EMB: variants seen among roughly 807,000 people sequenced by gnomAD.
EMB encodes embigin.
In EMB, 31 loss-of-function variants were observed where a neutral mutation model predicts 41.4. That is an observed-to-expected ratio of 0.75 (90% CI 0.56 to 1.01). The LOEUF is 1.01. Ranked by LOEUF, EMB falls within the 50% of genes least tolerant of loss-of-function variation. EMB has a pLI of 0.00. For synonymous variants in EMB, 137 were observed against 140.4 expected (o/e 0.98, Z 0.17); for missense variants, 379 against 388.3 (o/e 0.98, Z 0.20).
At chr5:50,423,196 T>C (rs537811907) in intron 2 of EMB, among the ~76,000 whole-genome samples, 10 of 151,576 alleles carry the variant, frequency 6.6e-5, no homozygotes, top group Non-Finnish European at 1.2e-4. Context: ...ACATATGGAC[T>C]AATAGCACTA....
At chr5:50,428,280 T>C in intron 1 of EMB, 53 bp from the exon 2 acceptor site, 1 of 1,423,834 alleles carries the variant, frequency 7.0e-7, no homozygotes, top group Non-Finnish European at 9.7e-7. Flanking sequence ...TAAATGACTA[T>C]CTAAAAACTA....
At chr5:50,421,105 G>A (rs1395742419) in intron 2 of EMB, among the ~76,000 whole-genome samples, 1 of 152,038 alleles carries the variant, frequency 6.6e-6, no homozygotes, top group African/African-American at 2.4e-5. Flanking sequence ...AATCACAGAC[G>A]GCAATAGTAT....
chr5:50,431,242 G>A (rs1383073643), intron 1 of EMB, among the ~76,000 whole-genome samples: 1 of 152,190 alleles, frequency 6.6e-6, no homozygotes, highest in Admixed American at 6.5e-5. Flanking sequence ...ATACAGAAAT[G>A]CCTTAAGTGG....
chr5:50,419,939 A>G (rs1745490734), intron 2 of EMB, among the ~76,000 whole-genome samples: 1 of 152,152 alleles, frequency 6.6e-6, no homozygotes, highest in Non-Finnish European at 1.5e-5. Flanking sequence ...ACAGAAAACC[A>G]AATACCGCAT....
intron 1 of EMB, among the ~76,000 whole-genome samples, chr5:50,437,888 TGTAATA>T (rs1561142623): frequency 6.6e-6 from 1 of 152,178 alleles, no homozygotes; most frequent in Non-Finnish European, 1.5e-5. Context: ...ATTTGTGTCA[TGTAATA>T]GTAATAATAA....
In EMB at chr5:50,397,756, G is replaced by C. The variant is rs1745094950; in HGVS notation, c.*1517C>G. 1 of 151,930 alleles carries C rather than the reference G, an allele frequency of 6.6e-6. No individual in the cohort carries two copies. The highest frequency in any genetic ancestry group is 2.1e-4 in the South Asian group (1 of 4,830). 9.4% of individuals were successfully genotyped at this position (151,930 alleles called of 1,614,324 possible). On this transcript the variant is annotated 3_prime_UTR_variant, in exon 9 of 9. Transcript: ENST00000303221. ...GAGACCAGAATAAAATGAAAACCAAGAATAAAATGAAGTTTGCCATTACCG... is the reference window on the plus strand; with the variant it reads ...GAGACCAGAATAAAATGAAAACCAACAATAAAATGAAGTTTGCCATTACCG...
At chr5:50,405,634 T>C in intron 5 of EMB, 91 bp downstream of exon 5, 1 of 1,459,986 alleles carries the variant, frequency 6.8e-7, no homozygotes, top group Non-Finnish European at 9.1e-7. Flanking sequence ...ATAAATCATC[T>C]TAGGAATGCT....
Position 50,405,787 on chromosome 5 carries a change from A to G in EMB, c.538T>C (p.Cys180Arg), listed in dbSNP as rs1249116610. 55 of 1,606,932 alleles carry G rather than the reference A, an allele frequency of 3.4e-5. No homozygotes were observed. Among genetic ancestry groups the G allele is most frequent in the Middle Eastern group, 1.7e-4 (1 of 6,040 alleles). Reference protein sequence around the residue: ...SYVGDSTVLTCKCQNCFPLNW... With the variant: ...SYVGDSTVLTRKCQNCFPLNW... ...AAAGGAAAACAATTTTGACATTTAC[A>G]TGTCAAGACAGTAGAATCCCCTACG... The change falls in exon 5 of 9, where the codon TGT becomes CGT. Residue 180 changes from cysteine to arginine, a missense_variant. By Grantham distance (180) the Cys-to-Arg change is radical. Coordinates refer to ENST00000303221, the MANE Select transcript of EMB (RefSeq NM_198449.3).
chr5:50,441,305 C>T (rs2111886299), upstream of EMB: 2 of 416,614 alleles, frequency 4.8e-6, no homozygotes, highest in East Asian at 7.2e-5. Context: ...TGGGAGGGGC[C>T]CGGCCGCCTT....
intron 1 of EMB, 92 bp from the exon 2 acceptor site, chr5:50,428,319 A>G: frequency 2.4e-6 from 3 of 1,267,912 alleles, no homozygotes; most frequent in Non-Finnish European, 2.2e-6. Flanking sequence ...ACTGTTGTGA[A>G]CTATTAATGA....
upstream of EMB, chr5:50,441,329 G>T (rs554496317): frequency 4.9e-5 from 19 of 391,244 alleles, no homozygotes; most frequent in African/African-American, 3.3e-4. Flanking sequence ...CCACTCCCCC[G>T]AGACGCTCTT....
chr5:50,439,952 G>A (rs1440577516), intron 1 of EMB, among the ~76,000 whole-genome samples: 8 of 152,120 alleles, frequency 5.3e-5, no homozygotes, highest in Admixed American at 5.2e-4. Flanking sequence ...ACTTGCAATA[G>A]GTTGGATGGA....
intron 7 of EMB, among the ~76,000 whole-genome samples, chr5:50,401,857 C>T (rs960781689): frequency 6.6e-6 from 1 of 151,904 alleles, no homozygotes; most frequent in African/African-American, 2.4e-5. Flanking sequence ...AAGGTCTGAG[C>T]AACTGTATTT....
intron 7 of EMB, 138 bp from the exon 8 acceptor site, chr5:50,400,051 C>A (rs1417062771): frequency 1.7e-6 from 1 of 590,684 alleles, no homozygotes; most frequent in East Asian, 3.3e-5. Flanking sequence ...AAATGTTTTA[C>A]TTACAATGTT....
intron 2 of EMB, among the ~76,000 whole-genome samples, chr5:50,417,260 C>T (rs1269778648): frequency 6.6e-6 from 1 of 152,118 alleles, no homozygotes; most frequent in Non-Finnish European, 1.5e-5. Flanking sequence ...GAGGCCAACA[C>T]CCCTATATAA....
chr5:50,440,177 T>C (rs542280164), intron 1 of EMB, among the ~76,000 whole-genome samples: 31 of 152,226 alleles, frequency 2.0e-4, no homozygotes, highest in African/African-American at 7.0e-4. Context: ...CACGTTATCC[T>C]GTAAGTTGTG....
chr5:50,429,965 TC>T (rs1336800811), intron 1 of EMB, among the ~76,000 whole-genome samples: 16 of 83,784 alleles, frequency 1.9e-4, no homozygotes, highest in African/African-American at 9.0e-4. Context: ...TCCCCAACTC[TC>T]TTTCTCTCTC....
intron 1 of EMB, among the ~76,000 whole-genome samples, chr5:50,438,998 G>A (rs983582385): frequency 6.6e-6 from 1 of 151,092 alleles, no homozygotes; most frequent in African/African-American, 2.4e-5. Flanking sequence ...CACTGTCTAG[G>A]CCATATCATT....
intron 2 of EMB, among the ~76,000 whole-genome samples, chr5:50,420,360 T>C (rs374871609): frequency 1.7e-3 from 255 of 152,296 alleles, no homozygotes; most frequent in African/African-American, 5.9e-3. Flanking sequence ...ATGCCAATCC[T>C]TGATATTTAG....
Sources: gnomAD v4.1 joint callset for allele counts (sites outside exome capture counted in the v4.1 genomes callset) on GRCh38, gnomAD v4.1.1 for gene constraint, MANE v1.5 for transcripts, NCBI Gene and HGNC (gene_info 2026-07-23, HGNC 2026-07-21) for gene names.